Variants in PARP1 observed in about 807,000 individuals in gnomAD.
PARP1 encodes the protein poly [ADP-ribose] polymerase 1.
A neutral mutation model predicts 118.7 loss-of-function variants in PARP1; 44 were observed. That is an observed-to-expected ratio of 0.37 (90% CI 0.29 to 0.48). The LOEUF is 0.48. PARP1 is among the 20% of genes least tolerant of loss of function. The pLI is 0.99. For synonymous variants in PARP1, 492 were observed against 483.2 expected, an observed-to-expected ratio of 1.02 and a Z score of -0.24; for missense variants, 1,100 against 1,272.4, an observed-to-expected ratio of 0.86 and a Z score of 2.06.
At chr1:226,402,009 C>T (rs1172083845) in intron 2 of PARP1, 1 of 1,488,478 alleles carries the variant, frequency 6.7e-7, no homozygotes, top group Non-Finnish European at 9.0e-7. Context: ...TTCCAAGCAC[C>T]TGGAAAAACA....
rs764640402 is a variant in PARP1 at position 226,374,307 on chromosome 1, G to C, written c.1989C>G (p.Ser663=). 3.1e-6 allele frequency: 5 copies of C among 1,614,188 alleles called. No homozygotes were observed. Among genetic ancestry groups the C allele is most frequent in the Non-Finnish European group, 4.2e-6 (5 of 1,180,020 alleles). Residue 663 remains serine, a synonymous_variant, in exon 14 of 23, where the codon TCC becomes TCG. Transcript: ENST00000366794. ...GGTCCTGAACTGGCTTGGGGAGCTTGGACTTGGTGCCAGGATTTACTGTCA... is the reference window on the plus strand; with the variant it reads ...GGTCCTGAACTGGCTTGGGGAGCTTCGACTTGGTGCCAGGATTTACTGTCA... ...KKLTVNPGTK[S]KLPKPVQDLI...
At chr1:226,397,286 A>C (rs968510476) in intron 2 of PARP1, among the ~76,000 whole-genome samples, 1 of 152,190 alleles carries the variant, frequency 6.6e-6, no homozygotes, top group East Asian at 1.9e-4. Context: ...ATGCCGGTAC[A>C]TTCCAGCCTA....
chr1:226,385,470 C>T lies in PARP1; in HGVS notation c.1011+34G>A, dbSNP rs1156700713. 2.5e-6 allele frequency: 4 copies of T among 1,605,698 alleles called. No homozygotes were observed. In the African/African-American group the frequency reaches 4.0e-5, roughly 16 times the overall value. On this transcript the variant is annotated intron_variant, in intron 7 of 22. Coordinates refer to ENST00000366794, the MANE Select transcript of PARP1 (RefSeq NM_001618.4). ...CAGAAAGTGGGGCCAGGTTTTTCTC[C>T]CAACAGATCCCAGGATCTTCCCCTA... is the stretch of plus-strand genomic sequence containing the variant.
In PARP1 at chr1:226,370,529, G is replaced by C. The variant is rs1479008136; in HGVS notation, c.2071-12C>G. On this transcript the variant is annotated splice_polypyrimidine_tract_variant and intron_variant, in intron 14 of 22. Transcript: ENST00000366794. ...TTCTGAAGGTCGATCTGAGGAGACAGGGGATTTCGCTCTGAAAGCTGGGCA... is the reference window on the plus strand; with the variant it reads ...TTCTGAAGGTCGATCTGAGGAGACACGGGATTTCGCTCTGAAAGCTGGGCA... 1.9e-6 allele frequency: 3 copies of C among 1,609,684 alleles called. No homozygotes were observed. Among genetic ancestry groups the C allele is most frequent in the South Asian group, 2.2e-5 (2 of 91,002 alleles).
At chr1:226,396,792 G>A (rs1664932617) in intron 2 of PARP1, among the ~76,000 whole-genome samples, 1 of 151,986 alleles carries the variant, frequency 6.6e-6, no homozygotes, top group South Asian at 2.1e-4. Context: ...ACCCAGCCAG[G>A]TGTGGTGGCA....
rs960156832 is a variant in PARP1, at chr1:226,379,906, A to T, written c.1543+16T>A. 2.5e-6 allele frequency: 4 copies of T among 1,613,012 alleles called. No homozygotes were observed. Among genetic ancestry groups the T allele is most frequent in the African/African-American group, 2.7e-5 (2 of 75,022 alleles). ...CCTGGCTTTTGGCCCTGGAGGGGGC[A>T]GCTTGGGGCCCTCACCTTCCTCCTT... On this transcript the variant is annotated intron_variant, in intron 10 of 22. Coordinates refer to ENST00000366794, the MANE Select transcript of PARP1 (RefSeq NM_001618.4).
chr1:226,364,266 T>C, intron 19 of PARP1, 196 bp from the exon 20 acceptor site: 1 of 584,844 alleles, frequency 1.7e-6, no homozygotes, highest in Non-Finnish European at 3.2e-6. Context: ...CTCTGCCAGG[T>C]GCCAAGGAGC....
rs752706377 is a variant in PARP1, at chr1:226,381,086, G to A, written c.1282C>T (p.Leu428=). The change falls in exon 9 of 23, where the codon CTG becomes TTG. Residue 428 remains leucine (L), a synonymous_variant. Transcript: ENST00000366794. The part of the protein sequence containing the change: ...KLTGTANKAS[L]CISTKKEVEK... ...AACTCACTTTTGGTGCTGATGCACAGGGAAGCCTTGTTGGCCGTCCCCGTC... is the reference window on the plus strand; with the variant it reads ...AACTCACTTTTGGTGCTGATGCACAAGGAAGCCTTGTTGGCCGTCCCCGTC... The A allele has an allele frequency of 6.2e-7, 1 of 1,614,184 alleles. No individual in the cohort carries two copies. The highest frequency in any genetic ancestry group is 1.1e-5 in the South Asian group (1 of 91,088).
chr1:226,406,381 C>G (rs1020651955), intron 1 of PARP1, among the ~76,000 whole-genome samples: 2 of 152,220 alleles, frequency 1.3e-5, no homozygotes, highest in African/African-American at 4.8e-5. Flanking sequence ...AACAGGCTGC[C>G]TTGTATATTC....
At chr1:226,361,664 TGGGGCTGGGTTGCCTCATCTCCCC>T (rs1328564279) in intron 22 of PARP1, 123 bp from the exon 23 acceptor site, 15 of 768,706 alleles carry the variant, frequency 2.0e-5, no homozygotes, top group Non-Finnish European at 3.5e-5. Context: ...GGCCTCTTCA[TGGGGCTGGGTTGCCTCATCTCCCC>T]GGGGCTGGCA....
rs544362497 is a variant in PARP1, at chr1:226,407,155, C to G, written c.120+655G>C. On this transcript the variant is annotated intron_variant, in intron 1 of 22. Coordinates refer to ENST00000366794, the MANE Select transcript of PARP1 (RefSeq NM_001618.4). Reference sequence around the variant, plus strand: ...GCCCACATGAGAAACCCCCCTGGAGCCACTCTTACTCAAACCAGACAGCTG... The same window carrying G: ...GCCCACATGAGAAACCCCCCTGGAGGCACTCTTACTCAAACCAGACAGCTG... Among the ~76,000 whole-genome samples the G allele has an allele frequency of 2.0e-5, 3 of 152,226 alleles. No individual in the cohort carries two copies. In the South Asian group the frequency reaches 6.2e-4, roughly 32 times the overall value.
intron 6 of PARP1, among the ~76,000 whole-genome samples, chr1:226,385,902 G>A (rs766887968): frequency 1.3e-5 from 2 of 152,060 alleles, no homozygotes; most frequent in African/African-American, 2.4e-5. Flanking sequence ...TTCCTGCAGC[G>A]CCCCCAACCC....
chr1:226,371,351 T>C (rs1576392742), intron 14 of PARP1, among the ~76,000 whole-genome samples: 1 of 152,350 alleles, frequency 6.6e-6, no homozygotes, highest in East Asian at 1.9e-4. Context: ...CATTTCTGCA[T>C]GTCCAGCACT....
Position 226,361,959 on chromosome 1 carries a change from G to A in PARP1, c.2963+10C>T. ...CTTTGTGCTCACACAGCATACTCAA[G>A]AAAGGATACTCGTTATATAGTAGAG... On this transcript the variant is annotated intron_variant, in intron 22 of 22. Transcript: ENST00000366794. 1 of 1,490,598 alleles carries A rather than the reference G, an allele frequency of 6.7e-7. No individual in the cohort carries two copies. The highest frequency in any genetic ancestry group is 9.4e-7 in the Non-Finnish European group (1 of 1,067,206). 92.3% of individuals were successfully genotyped at this position (1,490,598 alleles called of 1,614,324 possible). A position where few individuals can be genotyped will look rare whatever the true frequency, so the allele number is the denominator to read the frequency against.
At chr1:226,396,756 G>A (rs1227824986) in intron 2 of PARP1, among the ~76,000 whole-genome samples, 1 of 151,936 alleles carries the variant, frequency 6.6e-6, no homozygotes, top group East Asian at 1.9e-4. Context: ...TGGCCAATAT[G>A]GCAAAACTCT....
intron 3 of PARP1, among the ~76,000 whole-genome samples, chr1:226,391,129 G>C (rs758276531): frequency 1.3e-5 from 2 of 151,636 alleles, no homozygotes; most frequent in African/African-American, 2.4e-5. Flanking sequence ...GGCCTTGCCT[G>C]GCTAATTTTT....
chr1:226,361,578 AAC>A (rs775573235), intron 22 of PARP1, 37 bp from the exon 23 acceptor site: 27 of 1,406,142 alleles, frequency 1.9e-5, no homozygotes, highest in African/African-American at 2.8e-5. Flanking sequence ...ACAGCCATAC[AAC>A]AGAGGGTATG....
intron 9 of PARP1, among the ~76,000 whole-genome samples, chr1:226,380,629 T>C (rs1664586079): frequency 6.6e-6 from 1 of 152,224 alleles, no homozygotes; most frequent in Non-Finnish European, 1.5e-5. Flanking sequence ...GAATACAGGT[T>C]GAGCAGCTTC....
At chr1:226,373,913 T>G (rs1444833020) in intron 14 of PARP1, among the ~76,000 whole-genome samples, 1 of 152,036 alleles carries the variant, frequency 6.6e-6, no homozygotes, top group East Asian at 1.9e-4. Flanking sequence ...AGCTCAGCAG[T>G]TGGAGACCAG....
Sources: gnomAD v4.1 joint callset for allele counts (sites outside exome capture counted in the v4.1 genomes callset) on GRCh38, gnomAD v4.1.1 for gene constraint, MANE v1.5 for transcripts, NCBI Gene and HGNC (gene_info 2026-07-23, HGNC 2026-07-21) for gene names.